Variants in FRMD4A observed in about 807,000 individuals in gnomAD.
FRMD4A encodes the protein FERM domain-containing protein 4A.
FRMD4A carries 29 observed loss-of-function variants against 129.1 expected under a neutral mutation model. That is an observed-to-expected ratio of 0.22 (90% CI 0.17 to 0.31). The LOEUF is 0.31. Among genes scored for constraint, FRMD4A ranks in the 10% least tolerant of loss-of-function variants. The pLI, the probability that FRMD4A is intolerant of heterozygous loss-of-function variation, is 1.00. For missense variants in FRMD4A, 1,272 were observed against 1,375.8 expected (o/e 0.92, Z 1.19); for synonymous variants, 634 against 571.6 (o/e 1.11, Z -1.56).
At chr10:13,796,676 T>A in intron 4 of FRMD4A, 88 bp from the exon 5 acceptor site, 1 of 706,412 alleles carries the variant, frequency 1.4e-6, no homozygotes, top group Admixed American at 2.2e-5. Flanking sequence ...CAGAACGTGC[T>A]GGATCGTAGA....
At chr10:14,152,907 C>T (rs988368202) in intron 2 of FRMD4A, among the ~76,000 whole-genome samples, 2 of 152,042 alleles carry the variant, frequency 1.3e-5, no homozygotes, top group Admixed American at 1.3e-4. Flanking sequence ...CCCAGGCATC[C>T]TAGAGCAGTA....
intron 15 of FRMD4A, among the ~76,000 whole-genome samples, chr10:13,683,313 G>A (rs1206459063): frequency 1.3e-5 from 2 of 152,118 alleles, no homozygotes; most frequent in Admixed American, 1.3e-4. Flanking sequence ...GGCCGGGCCT[G>A]GTGGCTTTCA....
intron 2 of FRMD4A, among the ~76,000 whole-genome samples, chr10:14,167,672 C>A (rs4748088): frequency 6.6e-6 from 1 of 152,056 alleles, no homozygotes; most frequent in African/African-American, 2.4e-5. Flanking sequence ...CTTGGAACAA[C>A]GTAGGCAGAG....
chr10:13,719,064 A>T (rs1232613801), intron 12 of FRMD4A, among the ~76,000 whole-genome samples: 1 of 152,236 alleles, frequency 6.6e-6, no homozygotes, highest in African/African-American at 2.4e-5. Flanking sequence ...AAGGTCACAC[A>T]GACGCCACAT....
intron 12 of FRMD4A, among the ~76,000 whole-genome samples, chr10:13,719,118 A>C (rs1156449761): frequency 6.6e-6 from 1 of 152,130 alleles, no homozygotes; most frequent in Admixed American, 6.5e-5. Flanking sequence ...GCTCGACTCC[A>C]TGCTATTTCC....
rs80059076 is a variant in FRMD4A, at chr10:13,820,432, T to G, written c.112-9524A>C. On this transcript the variant is annotated intron_variant, in intron 3 of 24. Coordinates refer to ENST00000357447, the MANE Select transcript of FRMD4A (RefSeq NM_018027.5). ...GGCCTTGGTCTCAGCCGACCTTGGGTCACTCCATGGTGAAGCAGGCCCCTT... is the reference window on the plus strand; with the variant it reads ...GGCCTTGGTCTCAGCCGACCTTGGGGCACTCCATGGTGAAGCAGGCCCCTT... Among the ~76,000 whole-genome samples, 1,959 of 152,174 alleles carry G rather than the reference T, an allele frequency of 0.013. 98 individuals are homozygous for G. The East Asian group carries it at 0.14, about 11-fold the overall frequency.
At chr10:13,803,916 A>G (rs1393788328) in intron 4 of FRMD4A, among the ~76,000 whole-genome samples, 4 of 152,218 alleles carry the variant, frequency 2.6e-5, no homozygotes, top group Non-Finnish European at 4.4e-5. Context: ...CACCTGTGCC[A>G]GGTTCCCAGC....
rs1301115066 is a variant in FRMD4A, at chr10:13,644,846, G to C, written c.*2192C>G. 6.6e-6 allele frequency: 1 copy of C among 152,134 alleles called. No homozygotes were observed. The highest frequency in any genetic ancestry group is 2.4e-5 in the African/African-American group (1 of 41,430). The allele number at this position is 152,134 out of a possible 1,614,324, so 9.4% of individuals were successfully genotyped here. A position where few individuals can be genotyped will look rare whatever the true frequency, so the allele number is the denominator to read the frequency against. On this transcript the variant is annotated 3_prime_UTR_variant, in exon 25 of 25. Transcript: ENST00000357447. ...TGTAGCTCTAACCATGAAAGTAAAAGCAACAAAAATATCCCCCAGTGAATC... is the reference window on the plus strand; with the variant it reads ...TGTAGCTCTAACCATGAAAGTAAAACCAACAAAAATATCCCCCAGTGAATC...
chr10:13,784,032 A>C (rs2092797274), intron 5 of FRMD4A, among the ~76,000 whole-genome samples: 1 of 152,222 alleles, frequency 6.6e-6, no homozygotes. Context: ...GAAAGGTTGA[A>C]ATGCAACATC....
intron 15 of FRMD4A, chr10:13,684,439 TTCCAGCCGGGGAACTCCAGAC>T: frequency 2.0e-6 from 2 of 985,332 alleles, no homozygotes; most frequent in Non-Finnish European, 1.2e-6. Context: ...GTTTCCCAGC[TTCCAGCCGGGGAACTCCAGAC>T]TCCAGCCGGG....
At chr10:13,667,483 T>G (rs2083153409) in intron 17 of FRMD4A, 1 of 152,282 alleles carries the variant, frequency 6.6e-6, no homozygotes, top group Non-Finnish European at 1.5e-5. Flanking sequence ...AATGAAGCTG[T>G]GGCTGTCAAA....
At chr10:13,872,130 C>T (rs2094445253) in intron 2 of FRMD4A, among the ~76,000 whole-genome samples, 1 of 152,206 alleles carries the variant, frequency 6.6e-6, no homozygotes, top group South Asian at 2.1e-4. Flanking sequence ...CGCCTACACA[C>T]AGTGGAGTCA....
intron 15 of FRMD4A, among the ~76,000 whole-genome samples, chr10:13,679,474 T>TATATATACACACACAC (rs1308155926): frequency 4.4e-4 from 14 of 31,488 alleles, no homozygotes; most frequent in East Asian, 3.1e-3. Flanking sequence ...TATATATATA[T>TATATATACACACACAC]ACACACACAC....
chr10:13,921,283 G>A (rs1445918421), intron 2 of FRMD4A, among the ~76,000 whole-genome samples: 1 of 5,520 alleles, frequency 1.8e-4, no homozygotes, highest in Non-Finnish European at 5.3e-4. Flanking sequence ...TTTCTTTCTT[G>A]ACAGATTCTC....
intron 3 of FRMD4A, among the ~76,000 whole-genome samples, chr10:13,858,130 A>G (rs1269733695): frequency 6.6e-6 from 1 of 152,184 alleles, no homozygotes; most frequent in Non-Finnish European, 1.5e-5. Flanking sequence ...TCTCAACTGG[A>G]AAAGAAAAGA....
intron 14 of FRMD4A, among the ~76,000 whole-genome samples, chr10:13,700,820 C>CTTTGTTTT (rs2086744495): frequency 2.2e-5 from 1 of 44,714 alleles, no homozygotes; most frequent in Non-Finnish European, 3.8e-5. Context: ...AGGGTAGTTG[C>CTTTGTTTT]TTTTTTTTTT....
intron 2 of FRMD4A, among the ~76,000 whole-genome samples, chr10:14,141,504 G>A (rs1336968867): frequency 1.1e-4 from 17 of 151,954 alleles, no homozygotes; most frequent in Admixed American, 5.2e-4. Context: ...TGACACTCTC[G>A]CCCCAGGGGA....
intron 2 of FRMD4A, among the ~76,000 whole-genome samples, chr10:13,900,598 T>C (rs1333826210): frequency 6.6e-6 from 1 of 152,172 alleles, no homozygotes; most frequent in Non-Finnish European, 1.5e-5. Context: ...CTCAGAAATA[T>C]GTATTAATAA....
intron 2 of FRMD4A, among the ~76,000 whole-genome samples, chr10:14,238,563 C>T (rs537690839): frequency 5.3e-5 from 8 of 152,170 alleles, no homozygotes; most frequent in East Asian, 3.9e-4. Context: ...ATGTGCAGAA[C>T]GTGCAGGTTT....
Sources: allele counts gnomAD v4.1 joint callset (sites outside exome capture counted in the v4.1 genomes callset), GRCh38; gene constraint gnomAD v4.1.1; transcripts MANE v1.5; gene names NCBI Gene and HGNC (gene_info 2026-07-23, HGNC 2026-07-21).